Variants in DGKB observed in about 807,000 individuals in gnomAD.
The protein encoded by DGKB is diacylglycerol kinase beta.
Under a neutral mutation model 114.3 loss-of-function variants are expected in DGKB, and 67 were observed. That is an observed-to-expected ratio of 0.59 (90% CI 0.48 to 0.72). The LOEUF is 0.72. Among genes scored for constraint, DGKB ranks in the 30% least tolerant of loss-of-function variants. The pLI, the probability that DGKB is intolerant of heterozygous loss-of-function variation, is 0.00. For synonymous variants in DGKB, 398 were observed against 323.1 expected (o/e 1.23, Z -2.49); for missense variants, 907 against 975.2 (o/e 0.93, Z 0.93).
intron 19 of DGKB, among the ~76,000 whole-genome samples, chr7:14,577,233 T>A (rs2128716401): frequency 6.6e-6 from 1 of 152,288 alleles, no homozygotes; most frequent in South Asian, 2.1e-4. Context: ...TTATATTTAA[T>A]GATATTATGT....
chr7:14,587,106 C>T (rs1298664958), intron 17 of DGKB, among the ~76,000 whole-genome samples: 1 of 152,094 alleles, frequency 6.6e-6, no homozygotes, highest in Non-Finnish European at 1.5e-5. Context: ...AATTGACAAC[C>T]TCTGTAAAGG....
rs965777155 is a variant in DGKB at position 14,338,053 on chromosome 7, G to A, written c.2122+462C>T. Among the ~76,000 whole-genome samples the A allele has an allele frequency of 2.0e-5, 3 of 152,008 alleles. No individual in the cohort carries two copies. The South Asian group carries it at 6.2e-4, about 31-fold the overall frequency. On this transcript the variant is annotated intron_variant, in intron 23 of 25. Coordinates refer to ENST00000402815, the MANE Select transcript of DGKB (RefSeq NM_001350709.2). ...TTATCATGGGATATTTAAACATTCT[G>A]TTATATATGGTACTTAGAACAACAG... is the stretch of plus-strand genomic sequence containing the variant.
intron 2 of DGKB, among the ~76,000 whole-genome samples, chr7:14,814,560 G>C (rs757104487): frequency 3.9e-5 from 6 of 151,986 alleles, no homozygotes; most frequent in Non-Finnish European, 1.5e-5. Flanking sequence ...CTTCAAGATC[G>C]AAAGACTTAT....
At chr7:14,788,927 C>T (rs960096521) in intron 2 of DGKB, among the ~76,000 whole-genome samples, 3 of 152,050 alleles carry the variant, frequency 2.0e-5, no homozygotes, top group Non-Finnish European at 4.4e-5. Context: ...GTCTTCTCCC[C>T]AAAGGTGGGA....
rs1451438040 is a variant in DGKB, at chr7:14,627,892, G to A, written c.1167+2344C>T. Among the ~76,000 whole-genome samples the A allele has an allele frequency of 4.0e-5, 6 of 151,364 alleles. No individual in the cohort carries two copies. In the South Asian group the frequency reaches 1.0e-3, roughly 26 times the overall value. On this transcript the variant is annotated intron_variant, in intron 14 of 25. Transcript: ENST00000402815. ...CGTGAGGCAGAGGCTGCAGTGAGCC[G>A]AGATCATGCCACTGTACTCCAGCCT...
intron 21 of DGKB, among the ~76,000 whole-genome samples, chr7:14,403,283 A>G (rs1823422958): frequency 6.6e-6 from 1 of 151,838 alleles, no homozygotes; most frequent in African/African-American, 2.4e-5. Flanking sequence ...CTGCTCCTAG[A>G]CAGCAGTCAA....
chr7:14,714,449 AT>A (rs1563992512), intron 6 of DGKB, among the ~76,000 whole-genome samples: 1 of 152,060 alleles, frequency 6.6e-6, no homozygotes, highest in East Asian at 1.9e-4. Context: ...AAGGGTTTCA[AT>A]TTTACGCATT....
intron 23 of DGKB, among the ~76,000 whole-genome samples, chr7:14,260,249 A>G (rs940538849): frequency 6.6e-6 from 1 of 152,200 alleles, no homozygotes; most frequent in Non-Finnish European, 1.5e-5. Flanking sequence ...TATAGAATGC[A>G]CACTTGCTGA....
chr7:14,764,982 C>A (rs1007747271), intron 2 of DGKB, among the ~76,000 whole-genome samples: 2 of 151,680 alleles, frequency 1.3e-5, no homozygotes, highest in African/African-American at 2.4e-5. Context: ...GAGAACTAGT[C>A]AATAAGAAAC....
intron 1 of DGKB, among the ~76,000 whole-genome samples, chr7:14,950,919 G>C (rs771435432): frequency 1.3e-5 from 2 of 151,702 alleles, no homozygotes; most frequent in Non-Finnish European, 2.9e-5. Context: ...TCTGTTCCAT[G>C]TATGTAAGCT....
At chr7:14,806,351 G>T (rs1490107677) in intron 2 of DGKB, among the ~76,000 whole-genome samples, 1 of 151,964 alleles carries the variant, frequency 6.6e-6, no homozygotes, top group South Asian at 2.1e-4. Context: ...TGGCTATAGA[G>T]TCTACAATAA....
intron 21 of DGKB, among the ~76,000 whole-genome samples, chr7:14,409,126 G>A (rs1824428406): frequency 6.6e-6 from 1 of 152,066 alleles, no homozygotes; most frequent in South Asian, 2.1e-4. Flanking sequence ...AGTACATAAG[G>A]TACTACTGAA....
At chr7:14,169,233 CGG>C (rs1780461127) in intron 25 of DGKB, among the ~76,000 whole-genome samples, 1 of 150,862 alleles carries the variant, frequency 6.6e-6, no homozygotes, top group Non-Finnish European at 1.5e-5. Context: ...GGTGTGGTGG[CGG>C]GCGCCTGTAG....
At chr7:14,485,429 T>C (rs1783657651) in intron 20 of DGKB, among the ~76,000 whole-genome samples, 1 of 151,900 alleles carries the variant, frequency 6.6e-6, no homozygotes, top group East Asian at 2.0e-4. Context: ...TTCTGTTACT[T>C]AGTTTTGGAT....
intron 21 of DGKB, among the ~76,000 whole-genome samples, chr7:14,395,811 A>T (rs1822125267): frequency 6.6e-6 from 1 of 151,970 alleles, no homozygotes; most frequent in Non-Finnish European, 1.5e-5. Context: ...TTAAGAAAAA[A>T]TTCTTGAACA....
chr7:14,390,542 T>C (rs1583592848), intron 21 of DGKB, among the ~76,000 whole-genome samples: 1 of 152,306 alleles, frequency 6.6e-6, no homozygotes, highest in East Asian at 1.9e-4. Flanking sequence ...AATAATTTAT[T>C]TTGAGCTATT....
At chr7:14,600,849 G>A (rs1189419187) in intron 17 of DGKB, among the ~76,000 whole-genome samples, 1 of 152,160 alleles carries the variant, frequency 6.6e-6, no homozygotes, top group Non-Finnish European at 1.5e-5. Context: ...TGGCTGTGCT[G>A]TGTGCAGCCC....
intron 3 of DGKB, among the ~76,000 whole-genome samples, chr7:14,754,294 A>G (rs1255067587): frequency 6.6e-6 from 1 of 152,172 alleles, no homozygotes; most frequent in Non-Finnish European, 1.5e-5. Context: ...TTTGTATATA[A>G]TAAGCAAACT....
chr7:14,386,202 T>C (rs1820314160), intron 21 of DGKB, among the ~76,000 whole-genome samples: 1 of 152,352 alleles, frequency 6.6e-6, no homozygotes. Context: ...GTATTGCATT[T>C]ATAATCATTG....
Sources: gnomAD v4.1 joint callset for allele counts (sites outside exome capture counted in the v4.1 genomes callset) on GRCh38, gnomAD v4.1.1 for gene constraint, MANE v1.5 for transcripts, NCBI Gene and HGNC (gene_info 2026-07-23, HGNC 2026-07-21) for gene names.